UBR3: variants seen among roughly 807,000 people sequenced by gnomAD.
UBR3 encodes ubiquitin protein ligase E3 component n-recognin 3.
In UBR3, 85 loss-of-function variants were observed where a neutral mutation model predicts 243.2. The observed-to-expected ratio is 0.35, with a 90% confidence interval of 0.29 to 0.42. The LOEUF is 0.42. Ranked by LOEUF, UBR3 falls within the 10% of genes least tolerant of loss-of-function variation. The pLI is 1.00. For synonymous variants in UBR3, 748 were observed against 799.8 expected (o/e 0.94, Z 1.09); for missense variants, 1,686 against 2,300.8 (o/e 0.73, Z 5.47).
rs61422367 is a variant in UBR3 at position 170,037,533 on chromosome 2, G to T, written c.4557-3349G>T. ...CTCCCAAATAGCTGGGACCACAGGTGCACGCCACCATGCCAGGCTAATTTT... is the reference window on the plus strand; with the variant it reads ...CTCCCAAATAGCTGGGACCACAGGTTCACGCCACCATGCCAGGCTAATTTT... On this transcript the variant is annotated intron_variant, in intron 31 of 38. Transcript: ENST00000272793. Among the ~76,000 whole-genome samples, 1,476 of 152,070 alleles carry T rather than the reference G, an allele frequency of 9.7e-3. 19 individuals are homozygous for T. The highest frequency in any genetic ancestry group is 0.034 in the African/African-American group (1,397 of 41,478).
At chr2:169,835,928 C>T (rs1158326071) in intron 1 of UBR3, among the ~76,000 whole-genome samples, 3 of 148,618 alleles carry the variant, frequency 2.0e-5, no homozygotes, top group Non-Finnish European at 4.5e-5. Flanking sequence ...AAAGGTCAAC[C>T]CACCTTTCCC....
chr2:170,047,912 G>A (rs1030429530), intron 32 of UBR3, among the ~76,000 whole-genome samples: 2 of 152,130 alleles, frequency 1.3e-5, no homozygotes, highest in Non-Finnish European at 2.9e-5. Context: ...AACAACTGTC[G>A]TGGTATCACA....
At chr2:169,885,483 C>T (rs1449799821) in intron 5 of UBR3, among the ~76,000 whole-genome samples, 1 of 152,014 alleles carries the variant, frequency 6.6e-6, no homozygotes, top group East Asian at 1.9e-4. Context: ...GAGGTTGAGG[C>T]AGGAGGATCA....
intron 1 of UBR3, among the ~76,000 whole-genome samples, chr2:169,848,781 C>A (rs1003294669): frequency 4.6e-5 from 7 of 151,218 alleles, no homozygotes; most frequent in Non-Finnish European, 1.0e-4. Context: ...CGGCTCACTG[C>A]AACCTCTGCC....
At chr2:169,915,233 C>G (rs1024778388) in intron 11 of UBR3, among the ~76,000 whole-genome samples, 5 of 132,728 alleles carry the variant, frequency 3.8e-5, no homozygotes, top group African/African-American at 1.2e-4. Flanking sequence ...CATTTTAGGA[C>G]AGTGACTTTT....
At chr2:170,032,774 T>C (rs2090714219) in intron 31 of UBR3, among the ~76,000 whole-genome samples, 1 of 151,956 alleles carries the variant, frequency 6.6e-6, no homozygotes, top group African/African-American at 2.4e-5. Context: ...TTTATCTTGT[T>C]ACTGATGATC....
chr2:169,852,456 T>C (rs1186284203), intron 1 of UBR3, among the ~76,000 whole-genome samples: 2 of 152,222 alleles, frequency 1.3e-5, no homozygotes, highest in Non-Finnish European at 2.9e-5. Context: ...TATTTACTTA[T>C]TGCCTATGGC....
At chr2:169,894,674 A>G (rs2105326956) in intron 6 of UBR3, among the ~76,000 whole-genome samples, 1 of 152,332 alleles carries the variant, frequency 6.6e-6, no homozygotes, top group South Asian at 2.1e-4. Context: ...ATTCAATATT[A>G]GAAGAAGTAT....
At chr2:169,960,875 G>A (rs984876731) in intron 24 of UBR3, among the ~76,000 whole-genome samples, 2 of 152,012 alleles carry the variant, frequency 1.3e-5, no homozygotes, top group African/African-American at 2.4e-5. Context: ...CTACATAATG[G>A]TTCTACATCG....
intron 8 of UBR3, among the ~76,000 whole-genome samples, chr2:169,903,465 G>A (rs867717163): frequency 1.3e-5 from 2 of 152,142 alleles, no homozygotes; most frequent in South Asian, 4.1e-4. Flanking sequence ...TAAATAATTT[G>A]TAAAAAGCCC....
intron 1 of UBR3, among the ~76,000 whole-genome samples, chr2:169,869,225 T>TG (rs2083358575): frequency 7.1e-6 from 1 of 140,086 alleles, no homozygotes; most frequent in Non-Finnish European, 1.6e-5. Context: ...GGTTTTTTTT[T>TG]TTTTTTTTTT....
Position 169,832,700 on chromosome 2 carries a change from C to T in UBR3, c.545+4648C>T, listed in dbSNP as rs111716644. Among the ~76,000 whole-genome samples the T allele has an allele frequency of 4.5e-3, 681 of 152,042 alleles. 1 individual carries two copies. The highest frequency in any genetic ancestry group is 0.015 in the African/African-American group (613 of 41,456). ...CTGTAATCCCAGCACTTTGGGAGGCCGAGGCAGGCGGATCACCTTAAGTCG... is the reference window on the plus strand; with the variant it reads ...CTGTAATCCCAGCACTTTGGGAGGCTGAGGCAGGCGGATCACCTTAAGTCG... On this transcript the variant is annotated intron_variant, in intron 1 of 38. Coordinates refer to ENST00000272793, the MANE Select transcript of UBR3 (RefSeq NM_172070.4).
intron 1 of UBR3, among the ~76,000 whole-genome samples, chr2:169,835,990 ACTGTCTCTCT>A (rs1558998060): frequency 8.0e-5 from 3 of 37,648 alleles, no homozygotes; most frequent in Non-Finnish European, 1.5e-4. Context: ...TCCTGTGTGC[ACTGTCTCTCT>A]CTCTCTCTCT....
Position 169,832,663 on chromosome 2 carries a change from G to A in UBR3, c.545+4611G>A, listed in dbSNP as rs1288929436. On this transcript the variant is annotated intron_variant, in intron 1 of 38. Transcript: ENST00000272793. ...GAAATGCTTTATGGGGGCCGGGCGTGGTGGCTCACACCTGTAATCCCAGCA... is the reference window on the plus strand; with the variant it reads ...GAAATGCTTTATGGGGGCCGGGCGTAGTGGCTCACACCTGTAATCCCAGCA... 2.0e-5 allele frequency among the ~76,000 whole-genome samples: 3 copies of A among 151,972 alleles called. No individual in the cohort carries two copies. The East Asian group carries it at 5.8e-4, about 29-fold the overall frequency.
chr2:169,875,984 A>G (rs2083590071), intron 3 of UBR3, 35 bp downstream of exon 3: 4 of 1,416,118 alleles, frequency 2.8e-6, no homozygotes, highest in Non-Finnish European at 3.7e-6. Context: ...TATAGTTTTC[A>G]TATCTTACTA....
chr2:169,845,799 G>A (rs2082460489), intron 1 of UBR3, among the ~76,000 whole-genome samples: 1 of 152,014 alleles, frequency 6.6e-6, no homozygotes, highest in African/African-American at 2.4e-5. Context: ...GCCCAGGCTA[G>A]TCTTGAACTG....
At chr2:169,900,439 G>A (rs2084774562) in intron 8 of UBR3, among the ~76,000 whole-genome samples, 1 of 152,164 alleles carries the variant, frequency 6.6e-6, no homozygotes, top group African/African-American at 2.4e-5. Flanking sequence ...CCATTCTGTA[G>A]GTTGCCTGTT....
chr2:169,988,611 C>T (rs940517651), intron 25 of UBR3, among the ~76,000 whole-genome samples: 1 of 151,748 alleles, frequency 6.6e-6, no homozygotes, highest in Non-Finnish European at 1.5e-5. Context: ...TCAAGACCAG[C>T]CTGGGCAACA....
At chr2:169,961,748 T>A (rs2087583889) in intron 24 of UBR3, among the ~76,000 whole-genome samples, 1 of 152,202 alleles carries the variant, frequency 6.6e-6, no homozygotes, top group African/African-American at 2.4e-5. Flanking sequence ...TGTGATTATC[T>A]GATCCTTAGA....
Sources: allele counts gnomAD v4.1 joint callset (sites outside exome capture counted in the v4.1 genomes callset), GRCh38; gene constraint gnomAD v4.1.1; transcripts MANE v1.5; gene names NCBI Gene and HGNC (gene_info 2026-07-23, HGNC 2026-07-21).